The following RHOBTB3 variants were observed in gnomAD, a reference collection of about 807,000 sequenced individuals.
RHOBTB3 encodes Rho related BTB domain containing 3.
A neutral mutation model predicts 67.2 loss-of-function variants in RHOBTB3; 47 were observed. The observed-to-expected ratio is 0.70, with a 90% CI of 0.55 to 0.89. The LOEUF (loss-of-function observed/expected upper bound fraction) is 0.89. RHOBTB3 is among the 40% of genes least tolerant of loss of function. The pLI, the probability that RHOBTB3 is intolerant of heterozygous loss-of-function variation, is 0.00. For missense variants in RHOBTB3, 631 were observed against 750.0 expected (o/e 0.84, Z 1.85); for synonymous variants, 273 against 274.2 (o/e 1.00, Z 0.04).
At chr5:95,775,247 A>G (rs1289823580) in intron 8 of RHOBTB3, among the ~76,000 whole-genome samples, 1 of 151,910 alleles carries the variant, frequency 6.6e-6, no homozygotes, top group African/African-American at 2.4e-5. Context: ...CAAAATCCAA[A>G]ATGCCCTAAA....
intron 10 of RHOBTB3, among the ~76,000 whole-genome samples, chr5:95,785,760 C>G (rs1391658336): frequency 6.6e-6 from 1 of 152,158 alleles, no homozygotes; most frequent in Non-Finnish European, 1.5e-5. Context: ...ACTATTCTAA[C>G]AAGTTGTTCA....
rs549672830 is a variant in RHOBTB3, at chr5:95,743,407, C to A, written c.416-4926C>A. ...TCTCCCACTCATCCCCAGTCATTTG[C>A]CTTTGGGCCGCCTCCTCCTTGTTGC... On this transcript the variant is annotated intron_variant, in intron 3 of 11. Coordinates refer to ENST00000379982, the MANE Select transcript of RHOBTB3 (RefSeq NM_014899.4). Among the ~76,000 whole-genome samples, 8 of 152,082 alleles carry A rather than the reference C, an allele frequency of 5.3e-5. 1 individual carries two copies. Among genetic ancestry groups the A allele is most frequent in the Admixed American group, 5.2e-4 (8 of 15,280 alleles).
chr5:95,735,694 A>G (rs1221709814), intron 2 of RHOBTB3, among the ~76,000 whole-genome samples: 1 of 152,222 alleles, frequency 6.6e-6, no homozygotes, highest in East Asian at 1.9e-4. Flanking sequence ...ATTAATAGTT[A>G]ACTAGAATGT....
intron 2 of RHOBTB3, among the ~76,000 whole-genome samples, chr5:95,735,888 C>T (rs1755443310): frequency 6.6e-6 from 1 of 152,270 alleles, no homozygotes; most frequent in South Asian, 2.1e-4. Flanking sequence ...ACTGCCTGAG[C>T]TCAGAAGCTG....
At chr5:95,751,049 T>G (rs1050826360) in intron 4 of RHOBTB3, among the ~76,000 whole-genome samples, 2 of 152,216 alleles carry the variant, frequency 1.3e-5, no homozygotes, top group African/African-American at 4.8e-5. Context: ...TATTTAGGTG[T>G]GTGGTGGGTG....
upstream of RHOBTB3, among the ~76,000 whole-genome samples, chr5:95,726,629 T>C (rs564564001): frequency 2.6e-5 from 4 of 152,336 alleles, no homozygotes; most frequent in Non-Finnish European, 5.9e-5. Context: ...CGTCGGTTTT[T>C]TACCTTGCAA....
intron 8 of RHOBTB3, among the ~76,000 whole-genome samples, chr5:95,778,912 T>A (rs1019399538): frequency 2.0e-5 from 3 of 152,206 alleles, no homozygotes; most frequent in Non-Finnish European, 2.9e-5. Context: ...CCAAGTTACT[T>A]CCCTGCTCCT....
intron 8 of RHOBTB3, chr5:95,770,055 T>C (rs1464440667): frequency 2.9e-6 from 1 of 350,546 alleles, no homozygotes; most frequent in Non-Finnish European, 5.7e-6. Flanking sequence ...GGAGAGGTCA[T>C]TGGGACCAAA....
intron 5 of RHOBTB3, 140 bp from the exon 6 acceptor site, chr5:95,755,256 G>C (rs2112799516): frequency 1.8e-6 from 1 of 553,532 alleles, no homozygotes; most frequent in East Asian, 4.0e-5. Context: ...ATCAAAAAAT[G>C]GTTAAATATT....
intron 3 of RHOBTB3, among the ~76,000 whole-genome samples, chr5:95,738,201 T>C (rs952400297): frequency 9.2e-5 from 14 of 152,172 alleles, no homozygotes; most frequent in Admixed American, 7.2e-4. Context: ...CATTAGTAGA[T>C]ACAAGTAAGG....
intron 10 of RHOBTB3, among the ~76,000 whole-genome samples, chr5:95,785,010 A>G (rs1746179708): frequency 6.6e-6 from 1 of 152,214 alleles, no homozygotes; most frequent in South Asian, 2.1e-4. Flanking sequence ...CAACATGTCT[A>G]TACCTATCAA....
intron 5 of RHOBTB3, among the ~76,000 whole-genome samples, chr5:95,752,707 T>A (rs530077440): frequency 7.0e-4 from 107 of 152,304 alleles, no homozygotes; most frequent in African/African-American, 2.4e-3. Context: ...TAAAAGATGT[T>A]CTTGGGACAT....
At chr5:95,730,794 C>A, upstream of RHOBTB3, 1 of 432,430 alleles carries the variant, frequency 2.3e-6, no homozygotes, top group Non-Finnish European at 4.7e-6. Context: ...GAACAAAGAA[C>A]TCTTTCTGCA....
intron 3 of RHOBTB3, among the ~76,000 whole-genome samples, chr5:95,744,960 A>G (rs1744828240): frequency 6.6e-6 from 1 of 151,824 alleles, no homozygotes; most frequent in South Asian, 2.1e-4. Context: ...AGTTCCAGCC[A>G]CTAGGTAGGC....
chr5:95,793,991 G>C lies in RHOBTB3; in HGVS notation c.*817G>C. 2.2e-6 allele frequency: 1 copy of C among 456,152 alleles called. No homozygotes were observed. Among genetic ancestry groups the C allele is most frequent in the Non-Finnish European group, 4.4e-6 (1 of 226,934 alleles). 28.3% of individuals were successfully genotyped at this position (456,152 alleles called of 1,614,324 possible). A position where few individuals can be genotyped will look rare whatever the true frequency, so the allele number is the denominator to read the frequency against. ...GGTGGGAAATATCCTATGTTTTCTT[G>C]CTCAAACACCTTTCTCTCTGAAAGC... On this transcript the variant is annotated 3_prime_UTR_variant, in exon 12 of 12. Transcript: ENST00000379982.
In RHOBTB3 at chr5:95,764,734, A is replaced by G. The variant is rs114726888; in HGVS notation, c.1161+1114A>G. Among the ~76,000 whole-genome samples, 1,342 of 152,332 alleles carry G rather than the reference A, an allele frequency of 8.8e-3. 16 individuals are homozygous for G. Among genetic ancestry groups the G allele is most frequent in the African/African-American group, 0.031 (1,297 of 41,578 alleles). On this transcript the variant is annotated intron_variant, in intron 7 of 11. Transcript: ENST00000379982. ...AATATAGATGACTTTTCTGTTTTCTAAAACCTGTTAACATTTTAAAGTTAA... is the reference window on the plus strand; with the variant it reads ...AATATAGATGACTTTTCTGTTTTCTGAAACCTGTTAACATTTTAAAGTTAA...
intron 6 of RHOBTB3, 162 bp downstream of exon 6, chr5:95,755,923 G>T: frequency 4.6e-6 from 3 of 646,348 alleles, no homozygotes; most frequent in South Asian, 2.6e-5. Context: ...TATAAGAATT[G>T]GTCCAAGCTT....
rs536527600 is a variant in RHOBTB3 at position 95,766,862 on chromosome 5, G to T, written c.1162-1184G>T. 2.8e-4 allele frequency among the ~76,000 whole-genome samples: 42 copies of T among 152,298 alleles called. No individual in the cohort carries two copies. The South Asian group carries it at 8.7e-3, about 32-fold the overall frequency. ...TCAAAAACCCAGGAAACTCTTTATAGGTTCTAGTGGGCTCTGCTGTGAGTA... is the reference window on the plus strand; with the variant it reads ...TCAAAAACCCAGGAAACTCTTTATATGTTCTAGTGGGCTCTGCTGTGAGTA... On this transcript the variant is annotated intron_variant, in intron 7 of 11. Coordinates refer to ENST00000379982, the MANE Select transcript of RHOBTB3 (RefSeq NM_014899.4).
At chr5:95,738,515 T>A (rs1755512755) in intron 3 of RHOBTB3, among the ~76,000 whole-genome samples, 1 of 152,170 alleles carries the variant, frequency 6.6e-6, no homozygotes, top group Non-Finnish European at 1.5e-5. Flanking sequence ...TTGATGCTAT[T>A]ATCTTTAAAG....
Sources: allele counts gnomAD v4.1 joint callset (sites outside exome capture counted in the v4.1 genomes callset), GRCh38; gene constraint gnomAD v4.1.1; transcripts MANE v1.5; gene names NCBI Gene and HGNC (gene_info 2026-07-23, HGNC 2026-07-21).